NRG3: variants seen among roughly 807,000 people sequenced by gnomAD.
NRG3 encodes the protein pro-neuregulin-3, membrane-bound isoform.
In NRG3, 31 loss-of-function variants were observed where a neutral mutation model predicts 66.9. The observed-to-expected ratio is 0.46, with a 90% CI of 0.35 to 0.63. NRG3 has a LOEUF of 0.63. NRG3 is among the 20% of genes least tolerant of loss of function. The probability of loss-of-function intolerance (pLI) is 0.00; values close to 1 mark genes in which losing one functional copy is unlikely to be tolerated. For missense variants in NRG3, 910 were observed against 878.9 expected, an observed-to-expected ratio of 1.04 and a Z score of -0.45; for synonymous variants, 393 against 359.4, an observed-to-expected ratio of 1.09 and a Z score of -1.06.
At chr10:82,823,406 G>A (rs1357172095) in intron 3 of NRG3, among the ~76,000 whole-genome samples, 1 of 152,190 alleles carries the variant, frequency 6.6e-6, no homozygotes, top group Non-Finnish European at 1.5e-5. Flanking sequence ...CAAATCCAAA[G>A]AAGCATCATT....
chr10:82,649,795 C>G lies in NRG3; in HGVS notation c.954-88782C>G, dbSNP rs200372271. The stretch of plus-strand genomic sequence containing the variant: ...TGAGGGTAGGATGATCTTTGGGACA[C>G]AGCCTTAAACTGCTAGAAGCTATGC... On this transcript the variant is annotated intron_variant, in intron 2 of 8. Coordinates refer to ENST00000372141, the MANE Select transcript of NRG3 (RefSeq NM_001010848.4). 9.9e-5 allele frequency among the ~76,000 whole-genome samples: 15 copies of G among 152,138 alleles called. No individual in the cohort carries two copies. The East Asian group carries it at 2.9e-3, about 29-fold the overall frequency.
intron 1 of NRG3, among the ~76,000 whole-genome samples, chr10:82,346,292 C>G (rs983142033): frequency 1.3e-5 from 2 of 149,754 alleles, no homozygotes; most frequent in Non-Finnish European, 2.9e-5. Flanking sequence ...TGAATTTTGT[C>G]AAAGGCTTTT....
At chr10:82,749,787 C>T (rs920735056) in intron 3 of NRG3, among the ~76,000 whole-genome samples, 1 of 134,758 alleles carries the variant, frequency 7.4e-6, no homozygotes, top group Non-Finnish European at 1.5e-5. Context: ...GAAGGAAGCA[C>T]TGAAAAAAAA....
At chr10:82,547,111 T>G (rs938803689) in intron 2 of NRG3, among the ~76,000 whole-genome samples, 1 of 152,142 alleles carries the variant, frequency 6.6e-6, no homozygotes, top group Non-Finnish European at 1.5e-5. Context: ...TGAGCCATAT[T>G]TTATTCATTC....
chr10:82,234,955 A>G (rs2076684195), intron 1 of NRG3, among the ~76,000 whole-genome samples: 1 of 152,236 alleles, frequency 6.6e-6, no homozygotes. Context: ...TTTGGCAGAA[A>G]CACTCAAGAG....
At chr10:82,085,326 C>G (rs1488024818) in intron 1 of NRG3, among the ~76,000 whole-genome samples, 1 of 152,144 alleles carries the variant, frequency 6.6e-6, no homozygotes, top group Non-Finnish European at 1.5e-5. Flanking sequence ...TGGGGAGATT[C>G]AGCTGACCAT....
At chr10:82,400,898 A>C (rs1372618719) in intron 2 of NRG3, among the ~76,000 whole-genome samples, 1 of 152,130 alleles carries the variant, frequency 6.6e-6, no homozygotes, top group Non-Finnish European at 1.5e-5. Flanking sequence ...CAGTGGAGAA[A>C]AGATCAAACT....
intron 4 of NRG3, among the ~76,000 whole-genome samples, chr10:82,910,556 G>T (rs1845220194): frequency 6.6e-6 from 1 of 152,320 alleles, no homozygotes; most frequent in East Asian, 1.9e-4. Flanking sequence ...TCTCTATCTG[G>T]TTTTACAAAC....
intron 3 of NRG3, among the ~76,000 whole-genome samples, chr10:82,836,833 C>A (rs2220930): frequency 0.27 from 40,563 of 151,558 alleles, 6,086 homozygotes; most frequent in African/African-American, 0.4. Context: ...TGTTGGTGTG[C>A]AGCACCCATT....
chr10:82,099,641 T>C (rs2066600424), intron 1 of NRG3, among the ~76,000 whole-genome samples: 1 of 152,046 alleles, frequency 6.6e-6, no homozygotes, highest in South Asian at 2.1e-4. Flanking sequence ...GTGTAGACTC[T>C]ATTGATCAAT....
chr10:82,451,281 G>A (rs1352392972), intron 2 of NRG3, among the ~76,000 whole-genome samples: 1 of 152,092 alleles, frequency 6.6e-6, no homozygotes, highest in Non-Finnish European at 1.5e-5. Context: ...AACCCAAGCA[G>A]TCTTCCTTCA....
intron 3 of NRG3, among the ~76,000 whole-genome samples, chr10:82,831,131 A>G (rs2062499509): frequency 6.6e-6 from 1 of 152,132 alleles, no homozygotes; most frequent in Admixed American, 6.5e-5. Context: ...CTTGAGCTTA[A>G]TTAAGGTGAC....
In NRG3 at chr10:82,324,605, T is replaced by C. The variant is rs1165361669; in HGVS notation, c.824-34134T>C. 2.0e-5 allele frequency among the ~76,000 whole-genome samples: 3 copies of C among 152,206 alleles called. No individual in the cohort carries two copies. In the East Asian group the frequency reaches 5.8e-4, roughly 29 times the overall value. On this transcript the variant is annotated intron_variant, in intron 1 of 8. Transcript: ENST00000372141. ...TACTTTTGCTAATTCCTACAAATATTGATATGCTCTGTTTTTATTTTCAGT... is the reference window on the plus strand; with the variant it reads ...TACTTTTGCTAATTCCTACAAATATCGATATGCTCTGTTTTTATTTTCAGT...
intron 1 of NRG3, among the ~76,000 whole-genome samples, chr10:82,042,888 T>C (rs1021237552): frequency 4.6e-5 from 7 of 152,084 alleles, no homozygotes; most frequent in African/African-American, 1.7e-4. Context: ...TTTTGAGTAA[T>C]AATTATGTAG....
chr10:82,860,542 G>A (rs1025574349), intron 3 of NRG3, among the ~76,000 whole-genome samples: 5 of 152,058 alleles, frequency 3.3e-5, no homozygotes, highest in African/African-American at 9.7e-5. Flanking sequence ...CCGTGCTTCC[G>A]TTTCTTACCA....
chr10:81,890,977 C>T (rs1842961474), intron 1 of NRG3, among the ~76,000 whole-genome samples: 1 of 152,182 alleles, frequency 6.6e-6, no homozygotes, highest in African/African-American at 2.4e-5. Context: ...GCCTCCTTTC[C>T]TCCAGATATC....
intron 3 of NRG3, among the ~76,000 whole-genome samples, chr10:82,834,466 AG>A: frequency 6.6e-6 from 1 of 152,312 alleles, no homozygotes; most frequent in South Asian, 2.1e-4. Context: ...TGAATGTCAC[AG>A]TAGAGTAACA....
intron 3 of NRG3, among the ~76,000 whole-genome samples, chr10:82,837,939 C>T (rs1174917000): frequency 6.6e-6 from 1 of 152,084 alleles, no homozygotes; most frequent in Non-Finnish European, 1.5e-5. Context: ...TACGCATTCT[C>T]AGAGTATGTG....
At chr10:82,203,430 A>T (rs1303354986) in intron 1 of NRG3, among the ~76,000 whole-genome samples, 2 of 151,982 alleles carry the variant, frequency 1.3e-5, no homozygotes, top group Non-Finnish European at 2.9e-5. Flanking sequence ...AGTAGCTTGT[A>T]CTCTTTCACA....
Sources: gnomAD v4.1 joint callset for allele counts (sites outside exome capture counted in the v4.1 genomes callset) on GRCh38, gnomAD v4.1.1 for gene constraint, MANE v1.5 for transcripts, NCBI Gene and HGNC (gene_info 2026-07-23, HGNC 2026-07-21) for gene names.